Variants in GRID1 observed in about 807,000 individuals in gnomAD.
GRID1 encodes the protein glutamate ionotropic receptor delta type subunit 1, also known as glutamate receptor ionotropic, delta-1.
Under a neutral mutation model 98.0 loss-of-function variants are expected in GRID1, and 28 were observed. The observed-to-expected ratio is 0.29, with a 90% CI of 0.21 to 0.39. GRID1 has a LOEUF of 0.39. Ranked by LOEUF, GRID1 falls within the 10% of genes least tolerant of loss-of-function variation. The pLI is 1.00. For missense variants in GRID1, 1,111 were observed against 1,340.5 expected, an observed-to-expected ratio of 0.83 and a Z score of 2.67; for synonymous variants, 553 against 538.5, an observed-to-expected ratio of 1.03 and a Z score of -0.37.
At chr10:85,958,978 A>T (rs1842230679) in intron 4 of GRID1, among the ~76,000 whole-genome samples, 2 of 151,482 alleles carry the variant, frequency 1.3e-5, no homozygotes, top group Non-Finnish European at 2.9e-5. Context: ...AAAAAGAAAG[A>T]AAGAAAGAAA....
At chr10:86,063,009 GA>G (rs1217347401) in intron 4 of GRID1, among the ~76,000 whole-genome samples, 1 of 152,254 alleles carries the variant, frequency 6.6e-6, no homozygotes, top group Admixed American at 6.5e-5. Flanking sequence ...ACTCTGGGAT[GA>G]ATACAGGGGT....
intron 13 of GRID1, chr10:85,646,989 C>T: frequency 1.7e-6 from 1 of 590,576 alleles, no homozygotes; most frequent in East Asian, 2.8e-5. Flanking sequence ...TGCTCCTCCC[C>T]AGCCAGCACC....
intron 12 of GRID1, among the ~76,000 whole-genome samples, chr10:85,663,394 G>T (rs560435910): frequency 6.6e-6 from 1 of 152,280 alleles, no homozygotes; most frequent in South Asian, 2.1e-4. Context: ...AAACGCTGGG[G>T]GAGAGGTGAG....
chr10:86,055,409 G>A (rs931224645), intron 4 of GRID1, among the ~76,000 whole-genome samples: 1 of 152,128 alleles, frequency 6.6e-6, no homozygotes, highest in African/African-American at 2.4e-5. Context: ...GCCTGTGAGA[G>A]ATAGTTAACA....
intron 3 of GRID1, among the ~76,000 whole-genome samples, chr10:86,193,339 C>T (rs907102830): frequency 2.0e-5 from 3 of 152,148 alleles, no homozygotes; most frequent in African/African-American, 7.2e-5. Flanking sequence ...AGTAACTACA[C>T]AGTGAATGTT....
chr10:86,299,474 C>A (rs1847649311), intron 2 of GRID1, among the ~76,000 whole-genome samples: 1 of 151,164 alleles, frequency 6.6e-6, no homozygotes, highest in South Asian at 2.1e-4. Context: ...CTAATGCTAT[C>A]CCTCCCCCCT....
intron 2 of GRID1, among the ~76,000 whole-genome samples, chr10:86,282,329 C>T (rs1319014422): frequency 1.3e-5 from 2 of 152,120 alleles, no homozygotes; most frequent in Non-Finnish European, 1.5e-5. Context: ...CCTCAGTTGC[C>T]TCATCTGTAA....
chr10:86,138,751 C>G (rs1844965837), intron 4 of GRID1, 68 bp downstream of exon 4: 1 of 1,297,072 alleles, frequency 7.7e-7, no homozygotes, highest in African/African-American at 1.5e-5. Context: ...GCCCTGCAGC[C>G]CACCTGAACC....
At chr10:86,251,469 C>T (rs1846830889) in intron 2 of GRID1, among the ~76,000 whole-genome samples, 1 of 152,268 alleles carries the variant, frequency 6.6e-6, no homozygotes, top group African/African-American at 2.4e-5. Flanking sequence ...AGGCTCAGTT[C>T]CCTCATGTCT....
At chr10:85,772,000 C>T (rs960185828) in intron 8 of GRID1, among the ~76,000 whole-genome samples, 23 of 152,236 alleles carry the variant, frequency 1.5e-4, no homozygotes, top group African/African-American at 5.5e-4. Context: ...ACTCTCCACC[C>T]CAAATCAACA....
At chr10:86,240,516 C>T (rs1846611212) in intron 2 of GRID1, among the ~76,000 whole-genome samples, 1 of 145,184 alleles carries the variant, frequency 6.9e-6, no homozygotes, top group South Asian at 2.3e-4. Context: ...GAAGCAGGTG[C>T]TGAAAAAGAG....
intron 2 of GRID1, among the ~76,000 whole-genome samples, chr10:86,359,455 G>A (rs1848574721): frequency 6.6e-6 from 1 of 152,172 alleles, no homozygotes. Flanking sequence ...GCCTCCAGAT[G>A]GGCACCAACA....
At chr10:85,874,391 T>C (rs1843307434) in intron 5 of GRID1, among the ~76,000 whole-genome samples, 1 of 152,234 alleles carries the variant, frequency 6.6e-6, no homozygotes, top group Non-Finnish European at 1.5e-5. Context: ...GACTTCCTAA[T>C]ATTTGACAGT....
chr10:86,362,045 A>G (rs1048811400), intron 2 of GRID1, among the ~76,000 whole-genome samples: 1 of 152,216 alleles, frequency 6.6e-6, no homozygotes, highest in Non-Finnish European at 1.5e-5. Context: ...TGCAGAGGGG[A>G]GCCAACAGAG....
intron 13 of GRID1, among the ~76,000 whole-genome samples, chr10:85,634,406 C>T (rs372545996): frequency 1.3e-5 from 2 of 151,824 alleles, no homozygotes; most frequent in Admixed American, 6.6e-5. Flanking sequence ...ATTGGAACAC[C>T]CCATCCCGGT....
chr10:85,823,187 TAAAA>T (rs1390655062), intron 8 of GRID1, among the ~76,000 whole-genome samples: 1 of 151,494 alleles, frequency 6.6e-6, no homozygotes, highest in East Asian at 1.9e-4. Context: ...TAAAGTATAA[TAAAA>T]AAAGAAAAAA....
intron 8 of GRID1, among the ~76,000 whole-genome samples, chr10:85,789,590 G>C (rs987820081): frequency 7.9e-5 from 12 of 152,158 alleles, no homozygotes; most frequent in Admixed American, 1.3e-4. Context: ...ACACAGGCAG[G>C]CTTCAGAGGA....
At chr10:86,340,585 C>T (rs896461798) in intron 2 of GRID1, among the ~76,000 whole-genome samples, 1 of 152,152 alleles carries the variant, frequency 6.6e-6, no homozygotes, top group Non-Finnish European at 1.5e-5. Flanking sequence ...ACTCCAGGGG[C>T]ACAGGGGCCT....
chr10:85,969,445 A>G (rs1235115479), intron 4 of GRID1, among the ~76,000 whole-genome samples: 1 of 152,142 alleles, frequency 6.6e-6, no homozygotes, highest in Non-Finnish European at 1.5e-5. Context: ...GCTATGCCCT[A>G]AAACATGCCT....
Sources: gnomAD v4.1 joint callset for allele counts (sites outside exome capture counted in the v4.1 genomes callset) on GRCh38, gnomAD v4.1.1 for gene constraint, MANE v1.5 for transcripts, NCBI Gene and HGNC (gene_info 2026-07-23, HGNC 2026-07-21) for gene names.